Variants in EPB41L1 observed in about 807,000 individuals in gnomAD.
The protein encoded by EPB41L1 is band 4.1-like protein 1.
EPB41L1 carries 29 observed loss-of-function variants against 97.8 expected under a neutral mutation model. The ratio of observed to expected loss-of-function variants is 0.30; its 90% CI spans 0.22 to 0.40. The LOEUF (loss-of-function observed/expected upper bound fraction) is 0.40. EPB41L1 is among the 10% of genes least tolerant of loss of function. The pLI is 1.00. For synonymous variants in EPB41L1, 383 were observed against 459.2 expected, an observed-to-expected ratio of 0.83 and a Z score of 2.12; for missense variants, 812 against 1,162.3, an observed-to-expected ratio of 0.70 and a Z score of 4.38.
At chr20:36,103,743 G>A (rs1277833233) in intron 1 of EPB41L1, among the ~76,000 whole-genome samples, 11 of 132,384 alleles carry the variant, frequency 8.3e-5, no homozygotes, top group Admixed American at 6.8e-4. Flanking sequence ...TCACTCTGTC[G>A]CCCAGGCTGG....
At chr20:36,182,614 A>G (rs918825128) in intron 6 of EPB41L1, among the ~76,000 whole-genome samples, 1 of 152,258 alleles carries the variant, frequency 6.6e-6, no homozygotes, top group African/African-American at 2.4e-5. Flanking sequence ...TTAAGAGGAC[A>G]GAAGCCACCT....
At chr20:36,107,217 T>C (rs865805408) in intron 1 of EPB41L1, among the ~76,000 whole-genome samples, 1 of 146,024 alleles carries the variant, frequency 6.8e-6, no homozygotes, top group African/African-American at 2.5e-5. Context: ...ATACCTTTTT[T>C]TTTTTTTTTT....
chr20:36,185,024 CTA>C, intron 6 of EPB41L1, 91 bp from the exon 7 acceptor site: 3 of 1,262,540 alleles, frequency 2.4e-6, no homozygotes, highest in Non-Finnish European at 3.4e-6. Flanking sequence ...TTCTGCTGAG[CTA>C]TGTTCTATTT....
Position 36,161,526 on chromosome 20 carries a change from A to G in EPB41L1, c.-15+6630A>G, listed in dbSNP as rs532217868. Among the ~76,000 whole-genome samples, 3 of 151,450 alleles carry G rather than the reference A, an allele frequency of 2.0e-5. No homozygotes were observed. The East Asian group carries it at 5.9e-4, about 30-fold the overall frequency. Reference sequence around the variant, plus strand: ...AGTCTTGCTGTGTTGCCCAGGCTGGAGTGCAGTGGCAGGATCTCAGCTCAC... The same window carrying G: ...AGTCTTGCTGTGTTGCCCAGGCTGGGGTGCAGTGGCAGGATCTCAGCTCAC... On this transcript the variant is annotated intron_variant, in intron 1 of 21. Transcript: ENST00000338074.
At chr20:36,199,647 CCT>C (rs2062389881) in intron 14 of EPB41L1, among the ~76,000 whole-genome samples, 1 of 152,196 alleles carries the variant, frequency 6.6e-6, no homozygotes, top group Non-Finnish European at 1.5e-5. Context: ...CCATGAAGGG[CCT>C]CTGTTTGCCT....
At chr20:36,116,834 C>T (rs1484293148) in intron 2 of EPB41L1, among the ~76,000 whole-genome samples, 1 of 152,144 alleles carries the variant, frequency 6.6e-6, no homozygotes, top group Non-Finnish European at 1.5e-5. Context: ...GGATTTTTCT[C>T]CAAACAACAC....
chr20:36,188,199 G>T, intron 8 of EPB41L1, 148 bp from the exon 9 acceptor site: 2 of 1,002,102 alleles, frequency 2.0e-6, no homozygotes, highest in Non-Finnish European at 3.2e-6. Flanking sequence ...GGGAGGGATT[G>T]GTCAGTGGGA....
intron 6 of EPB41L1, 59 bp downstream of exon 6, chr20:36,182,406 C>A: frequency 6.3e-7 from 1 of 1,579,186 alleles, no homozygotes. Flanking sequence ...GGATGAGGGA[C>A]CCTGGCCCTG....
rs552523329 is a variant in EPB41L1, at chr20:36,125,249, C to A, written c.-10+12769C>A. On this transcript the variant is annotated intron_variant, in intron 2 of 19. Coordinates refer to the EPB41L1 transcript ENST00000202028. ...CAGAAGGAGGGGACACAGTTAGGAGCATCCTGTGTTTTCTGATTCCACATG... is the reference window on the plus strand; with the variant it reads ...CAGAAGGAGGGGACACAGTTAGGAGAATCCTGTGTTTTCTGATTCCACATG... Among the ~76,000 whole-genome samples, 6 of 152,264 alleles carry A rather than the reference C, an allele frequency of 3.9e-5. No homozygotes were observed. The East Asian group carries it at 1.2e-3, about 29-fold the overall frequency.
rs774975458 is a variant in EPB41L1 at position 36,209,482 on chromosome 20, C to A, written c.1669-6C>A. 8.1e-6 allele frequency: 13 copies of A among 1,613,410 alleles called. No individual in the cohort carries two copies. Among genetic ancestry groups the A allele is most frequent in the Non-Finnish European group, 1.7e-6 (2 of 1,179,772 alleles). ...TCCCCATTCTTTTGATTTTATCTGG[C>A]CATAGAGAGCAGGGCTGAGGGAGGG... On this transcript the variant is annotated splice_region_variant and splice_polypyrimidine_tract_variant and intron_variant, in intron 14 of 21. Coordinates refer to ENST00000338074, the MANE Select transcript of EPB41L1 (RefSeq NM_012156.2). The surrounding 1 kb of genome is among the most constrained non-coding windows in gnomAD (Gnocchi z 4.2).
chr20:36,208,452 C>A (rs1455507500), intron 14 of EPB41L1: 1 of 346,428 alleles, frequency 2.9e-6, no homozygotes. Flanking sequence ...GTCACCTTCA[C>A]CCGGCCAGGA....
chr20:36,142,142 A>C (rs561729958), intron 2 of EPB41L1, among the ~76,000 whole-genome samples: 6 of 152,072 alleles, frequency 3.9e-5, no homozygotes, highest in Admixed American at 1.3e-4. Flanking sequence ...AAAAAGAACA[A>C]AAAACGTATT....
At chr20:36,226,871 C>T (rs1242652786) in intron 21 of EPB41L1, among the ~76,000 whole-genome samples, 1 of 152,202 alleles carries the variant, frequency 6.6e-6, no homozygotes, top group Non-Finnish European at 1.5e-5. Context: ...ACTTATAGGA[C>T]AGCCACTTCA....
intron 1 of EPB41L1, among the ~76,000 whole-genome samples, chr20:36,099,980 C>T (rs1054196741): frequency 6.6e-6 from 1 of 152,138 alleles, no homozygotes; most frequent in Admixed American, 6.5e-5. Context: ...CTGAATGGGC[C>T]GGTTGTTCTG....
chr20:36,157,731 C>G (rs533608387), intron 1 of EPB41L1, among the ~76,000 whole-genome samples: 79 of 152,330 alleles, frequency 5.2e-4, no homozygotes, highest in African/African-American at 1.9e-3. Context: ...CCTTGGCCTT[C>G]TCCTTCCTGG....
In EPB41L1 at chr20:36,197,681, G is replaced by C. The variant is rs1400824254; in HGVS notation, c.1486-178G>C. 4.1e-6 allele frequency: 4 copies of C among 985,172 alleles called. No individual in the cohort carries two copies. In the African/African-American group the frequency reaches 7.0e-5, roughly 17 times the overall value. 61.0% of individuals were successfully genotyped at this position (985,172 alleles called of 1,614,324 possible). ...TGTGCCTTGGGATGTGCACCTGTTG[G>C]GGTGGTTCTCCTTGCCCTGGTTTGT... On this transcript the variant is annotated intron_variant, in intron 13 of 21. Transcript: ENST00000338074.
At chr20:36,197,669 G>A in intron 13 of EPB41L1, 190 bp from the exon 14 acceptor site, 2 of 985,400 alleles carry the variant, frequency 2.0e-6, no homozygotes, top group Non-Finnish European at 1.2e-6. Context: ...GCCTTGGGAT[G>A]TGCACCTGTT....
chr20:36,188,283 G>A (rs1028732331), intron 8 of EPB41L1, 64 bp from the exon 9 acceptor site: 2 of 1,608,010 alleles, frequency 1.2e-6, no homozygotes, highest in African/African-American at 2.7e-5. Flanking sequence ...TTTTCGGGGT[G>A]GGTGGTAGGC....
At chr20:36,137,076 CT>C (rs35231525) in intron 2 of EPB41L1, among the ~76,000 whole-genome samples, 330 of 132,818 alleles carry the variant, frequency 2.5e-3, no homozygotes, top group Middle Eastern at 3.9e-3. Flanking sequence ...CTTTCCTTTC[CT>C]TTTTTTTTTT....
Sources: gnomAD v4.1 joint callset for allele counts (sites outside exome capture counted in the v4.1 genomes callset) on GRCh38, gnomAD v4.1.1 for gene constraint, Gnocchi (gnomAD v3.1) non-coding constraint, MANE v1.5 for transcripts, NCBI Gene and HGNC (gene_info 2026-07-23, HGNC 2026-07-21) for gene names.